CRB1: variants seen among roughly 807,000 people sequenced by gnomAD.
CRB1 encodes the protein protein crumbs homolog 1.
A neutral mutation model predicts 120.0 loss-of-function variants in CRB1; 83 were observed. That is an observed-to-expected ratio of 0.69 (90% CI 0.58 to 0.83). The LOEUF is 0.83. Among genes scored for constraint, CRB1 ranks in the 40% least tolerant of loss-of-function variants. The pLI, the probability that CRB1 is intolerant of heterozygous loss-of-function variation, is 0.00. For synonymous variants in CRB1, 625 were observed against 612.5 expected (o/e 1.02, Z -0.30); for missense variants, 1,699 against 1,687.6 (o/e 1.01, Z -0.12).
chr1:197,447,171 TGG>T (rs1665740710), intron 11 of CRB1, among the ~76,000 whole-genome samples: 1 of 152,206 alleles, frequency 6.6e-6, no homozygotes, highest in Non-Finnish European at 1.5e-5. Context: ...GCCAGAGATG[TGG>T]TCTCATCTGA....
chr1:197,435,985 A>T (rs1033887219), intron 9 of CRB1, among the ~76,000 whole-genome samples: 2 of 152,142 alleles, frequency 1.3e-5, no homozygotes. Context: ...TCTATTGCTA[A>T]AATAATGCCT....
At chr1:197,392,996 GT>G (rs763570595) in intron 5 of CRB1, among the ~76,000 whole-genome samples, 4 of 152,022 alleles carry the variant, frequency 2.6e-5, no homozygotes, top group Non-Finnish European at 5.9e-5. Context: ...GGGAATATAT[GT>G]TGTATGAATG....
Position 197,319,347 on chromosome 1 carries a change from G to A in CRB1, c.71-9075G>A, listed in dbSNP as rs192577629. ...GGAGGCTGAGGCAGGAGAATTGCCT[G>A]AACCTGGGAGGTAGAGGTTGCAATG... On this transcript the variant is annotated intron_variant, in intron 1 of 11. Transcript: ENST00000367400. Among the ~76,000 whole-genome samples the A allele has an allele frequency of 4.0e-3, 511 of 126,934 alleles. 14 individuals are homozygous for A. The Admixed American group carries it at 0.044, about 11-fold the overall frequency. 83.3% of individuals were successfully genotyped at this position (126,934 alleles called of 152,430 possible).
chr1:197,464,349 G>A (rs1466814690), intron 11 of CRB1, among the ~76,000 whole-genome samples: 1 of 152,152 alleles, frequency 6.6e-6, no homozygotes, highest in East Asian at 1.9e-4. Flanking sequence ...ACAGGATTGG[G>A]GAGGATTTTT....
chr1:197,338,145 G>T (rs1262078795), intron 2 of CRB1, among the ~76,000 whole-genome samples: 1 of 151,914 alleles, frequency 6.6e-6, no homozygotes, highest in Non-Finnish European at 1.5e-5. Flanking sequence ...TCTGAAATGG[G>T]TTACTCCAGC....
At chr1:197,282,973 T>C (rs1655611650) in intron 1 of CRB1, among the ~76,000 whole-genome samples, 1 of 151,834 alleles carries the variant, frequency 6.6e-6, no homozygotes, top group Non-Finnish European at 1.5e-5. Flanking sequence ...ATAAAGCTAG[T>C]GAAGGTACAT....
the CRB1 span, among the ~76,000 whole-genome samples, chr1:197,217,161 A>C: frequency 6.6e-6 from 1 of 152,208 alleles, no homozygotes; most frequent in Admixed American, 6.5e-5. Context: ...TATGGATGGA[A>C]ATACAAATCA....
chr1:197,255,966 T>TATATATAA, the CRB1 span, among the ~76,000 whole-genome samples: 6 of 15,096 alleles, frequency 4.0e-4, 1 homozygote, highest in African/African-American at 7.8e-4. Context: ...TAGAACATTT[T>TATATATAA]ATATATATAT....
At chr1:197,223,669 G>T in the CRB1 span, among the ~76,000 whole-genome samples, 1 of 152,108 alleles carries the variant, frequency 6.6e-6, no homozygotes, top group African/African-American at 2.4e-5. Flanking sequence ...TGTATACTAT[G>T]AACAATTTGT....
chr1:197,350,737 G>A (rs747467752), intron 4 of CRB1, among the ~76,000 whole-genome samples: 13 of 152,236 alleles, frequency 8.5e-5, no homozygotes, highest in Non-Finnish European at 1.9e-4. Context: ...GATCAAAGAG[G>A]CACCATTTTA....
chr1:197,355,494 TGCGGGGG>T (rs1660419495), intron 4 of CRB1, among the ~76,000 whole-genome samples: 1 of 152,136 alleles, frequency 6.6e-6, no homozygotes, highest in Non-Finnish European at 1.5e-5. Context: ...CCTGGGGGAT[TGCGGGGG>T]GCTCAGGCAT....
chr1:197,335,960 A>C (rs2125315645), intron 2 of CRB1, among the ~76,000 whole-genome samples: 1 of 152,364 alleles, frequency 6.6e-6, no homozygotes, highest in South Asian at 2.1e-4. Flanking sequence ...GATTATTCAG[A>C]ACAAATCTGT....
In CRB1 at chr1:197,427,663, C is replaced by G; in HGVS notation, c.2338C>G (p.Pro780Ala). The G allele has an allele frequency of 6.2e-7, 1 of 1,613,862 alleles. No individual in the cohort carries two copies. The part of the protein sequence containing the change: ...GRLAMLTPNS[P>A]KLVVKFVLND... ...ACTAGCAATGCTGACTCCAAACTCT[C>G]CCAAATTAGTAGTAAAATTTGTTCT... The change falls in exon 7 of 12, where the codon CCC (proline) becomes GCC (alanine). Residue 780 changes from proline (P) to alanine (A), a missense_variant. Pro to Ala is a conservative substitution (Grantham distance 27). Transcript: ENST00000367400.
intron 1 of CRB1, among the ~76,000 whole-genome samples, chr1:197,319,929 CT>C (rs894187829): frequency 2.0e-5 from 3 of 152,126 alleles, no homozygotes; most frequent in Non-Finnish European, 4.4e-5. Context: ...CTCTTAACCC[CT>C]TTTATCCCAC....
At chr1:197,332,473 G>A (rs1038471015) in intron 2 of CRB1, among the ~76,000 whole-genome samples, 1 of 151,984 alleles carries the variant, frequency 6.6e-6, no homozygotes, top group Non-Finnish European at 1.5e-5. Context: ...AAACTTTCTT[G>A]AAAACAGAAT....
chr1:197,362,748 C>T (rs1302087244), intron 5 of CRB1, among the ~76,000 whole-genome samples: 1 of 152,006 alleles, frequency 6.6e-6, no homozygotes, highest in African/African-American at 2.4e-5. Context: ...ATTTCCAACC[C>T]ACTTATGTCA....
intron 1 of CRB1, among the ~76,000 whole-genome samples, chr1:197,293,087 A>C (rs1234965030): frequency 6.6e-6 from 1 of 152,096 alleles, no homozygotes; most frequent in Non-Finnish European, 1.5e-5. Context: ...GAAAGAAATA[A>C]ATGGTATTCG....
upstream of CRB1, among the ~76,000 whole-genome samples, chr1:197,264,815 G>C (rs1053509060): frequency 3.3e-5 from 5 of 151,116 alleles, no homozygotes; most frequent in Non-Finnish European, 7.4e-5. Context: ...AGTAGAGACA[G>C]GGTTTCACCA....
At chr1:197,331,880 A>G (rs890198383) in intron 2 of CRB1, among the ~76,000 whole-genome samples, 11 of 152,190 alleles carry the variant, frequency 7.2e-5, no homozygotes, top group African/African-American at 2.7e-4. Context: ...TAGGCATAAA[A>G]GATGGAAAGG....
Sources: gnomAD v4.1 joint callset for allele counts (sites outside exome capture counted in the v4.1 genomes callset) on GRCh38, gnomAD v4.1.1 for gene constraint, MANE v1.5 for transcripts, NCBI Gene and HGNC (gene_info 2026-07-23, HGNC 2026-07-21) for gene names.